CALB2: variants seen among roughly 807,000 people sequenced by gnomAD.
CALB2 encodes the protein calbindin 2, also known as calretinin.
Under a neutral mutation model 45.9 loss-of-function variants are expected in CALB2, and 34 were observed. The ratio of observed to expected loss-of-function variants is 0.74; its 90% CI spans 0.56 to 0.99. CALB2 has a LOEUF of 0.99. Among genes scored for constraint, CALB2 ranks in the 50% least tolerant of loss-of-function variants. The probability of loss-of-function intolerance (pLI) is 0.00; values close to 1 mark genes in which losing one functional copy is unlikely to be tolerated. For synonymous variants in CALB2, 142 were observed against 129.6 expected (o/e 1.10, Z -0.65); for missense variants, 344 against 339.3 (o/e 1.01, Z -0.11).
chr16:71,383,833 G>A (rs1598174837), intron 6 of CALB2, 137 bp from the exon 7 acceptor site: 1 of 979,462 alleles, frequency 1.0e-6, no homozygotes, highest in South Asian at 1.4e-5. Flanking sequence ...GCCCATGTTG[G>A]TTCTTGGCCC....
chr16:71,373,936 T>C (rs2042381392), intron 2 of CALB2, among the ~76,000 whole-genome samples: 1 of 152,204 alleles, frequency 6.6e-6, no homozygotes, highest in Admixed American at 6.5e-5. Context: ...AGTGGTAGGA[T>C]TTCCCTTGGC....
intron 1 of CALB2, among the ~76,000 whole-genome samples, chr16:71,371,882 G>A (rs968301299): frequency 4.6e-5 from 7 of 152,158 alleles, no homozygotes; most frequent in East Asian, 1.9e-4. Context: ...GGACAGATTC[G>A]GAAGCTGCCA....
At chr16:71,387,902 A>G (rs1249884774) in intron 10 of CALB2, among the ~76,000 whole-genome samples, 1 of 152,170 alleles carries the variant, frequency 6.6e-6, no homozygotes, top group Non-Finnish European at 1.5e-5. Flanking sequence ...CATGGCACCA[A>G]ACCAGAAATT....
intron 1 of CALB2, among the ~76,000 whole-genome samples, chr16:71,360,243 G>C (rs1351921932): frequency 6.6e-6 from 1 of 152,178 alleles, no homozygotes; most frequent in Non-Finnish European, 1.5e-5. Context: ...GGGGAGGCAG[G>C]GGTTAATGTC....
At chr16:71,382,520 G>A (rs1257285658) in intron 4 of CALB2, among the ~76,000 whole-genome samples, 199 bp from the exon 5 acceptor site, 1 of 152,258 alleles carries the variant, frequency 6.6e-6, no homozygotes. Flanking sequence ...AGGCGCTCAT[G>A]AGATCACTGT....
At chr16:71,377,621 G>C (rs373286098) in intron 3 of CALB2, 46 bp from the exon 4 acceptor site, 2 of 1,397,340 alleles carry the variant, frequency 1.4e-6, no homozygotes, top group African/African-American at 2.8e-5. Context: ...TCTGCTCCCT[G>C]TCAAGTCCCT....
At chr16:71,371,838 C>T (rs1008573563) in intron 1 of CALB2, among the ~76,000 whole-genome samples, 1 of 152,242 alleles carries the variant, frequency 6.6e-6, no homozygotes. Flanking sequence ...TGACCTGTCA[C>T]ACCTCTGCCA....
chr16:71,388,953 A>T (rs892386999), intron 10 of CALB2, among the ~76,000 whole-genome samples: 1 of 135,520 alleles, frequency 7.4e-6, no homozygotes, highest in African/African-American at 2.8e-5. Flanking sequence ...AGCCAAGATC[A>T]CGTCACTTCC....
At chr16:71,367,324 G>A (rs1005524555) in intron 1 of CALB2, among the ~76,000 whole-genome samples, 4 of 152,116 alleles carry the variant, frequency 2.6e-5, no homozygotes, top group African/African-American at 4.8e-5. Flanking sequence ...ATGCCCATCC[G>A]CATGAGCCTT....
intron 1 of CALB2, 125 bp downstream of exon 1, chr16:71,359,011 C>T: frequency 1.3e-6 from 1 of 776,468 alleles, no homozygotes; most frequent in Non-Finnish European, 2.1e-6. Context: ...GGTCGCAGAG[C>T]CTGCTGGGGT....
At chr16:71,389,651 G>C in intron 10 of CALB2, 98 bp from the exon 11 acceptor site, 1 of 845,164 alleles carries the variant, frequency 1.2e-6, no homozygotes, top group Non-Finnish European at 2.0e-6. Flanking sequence ...TGAGATGAGA[G>C]AAAGGTGTGG....
chr16:71,359,687 A>G (rs963075586), intron 1 of CALB2, among the ~76,000 whole-genome samples: 2 of 152,210 alleles, frequency 1.3e-5, no homozygotes, highest in African/African-American at 2.4e-5. Flanking sequence ...AGCCCCCAGC[A>G]CTGGGATTCC....
intron 8 of CALB2, 112 bp downstream of exon 8, chr16:71,384,490 C>G: frequency 1.2e-6 from 1 of 841,556 alleles, no homozygotes; most frequent in East Asian, 2.5e-5. Flanking sequence ...CCACACACAC[C>G]ACACACACAC....
At position 71,380,287 on chromosome 16, in the gene CALB2, CTTTTCTTTTTTTTTT is replaced by C. The variant is rs1271790598; in HGVS notation, c.343-2427_343-2413del. Among the ~76,000 whole-genome samples, 33 of 87,110 alleles carry C rather than the reference CTTTTCTTTTTTTTTT, an allele frequency of 3.8e-4. 1 individual carries two copies. Among genetic ancestry groups the C allele is most frequent in the East Asian group, 1.5e-3 (5 of 3,268 alleles). 57.1% of individuals were successfully genotyped at this position (87,110 alleles called of 152,430 possible). A position where few individuals can be genotyped will look rare whatever the true frequency, so the allele number is the denominator to read the frequency against. ...CTTTTCTTTCTTTCTTCTTTCCTTCCTTTTCTTTTTTTTTTTTTTTTTTTTTTTTTTTTTTTTTTT... is the reference window on the plus strand; with the variant it reads ...CTTTTCTTTCTTTCTTCTTTCCTTCCTTTTTTTTTTTTTTTTTTTTTTTTT... On this transcript the variant is annotated intron_variant, in intron 4 of 10. Coordinates refer to ENST00000302628, the MANE Select transcript of CALB2 (RefSeq NM_001740.5).
intron 1 of CALB2, among the ~76,000 whole-genome samples, chr16:71,366,188 G>A (rs997170942): frequency 1.9e-4 from 29 of 149,100 alleles, no homozygotes; most frequent in South Asian, 6.4e-4. Context: ...TACCACGCCC[G>A]GCTAATTTTT....
intron 4 of CALB2, among the ~76,000 whole-genome samples, chr16:71,382,155 A>AAGGAAGGAAGGAAGGAAT (rs61050017): frequency 6.9e-6 from 1 of 144,402 alleles, no homozygotes. Context: ...AAGGAAGGAA[A>AAGGAAGGAAGGAAGGAAT]GAAAATAAAG....
At chr16:71,383,069 CCTCTGG>C (rs2042518939) in intron 5 of CALB2, among the ~76,000 whole-genome samples, 1 of 152,196 alleles carries the variant, frequency 6.6e-6, no homozygotes, top group Non-Finnish European at 1.5e-5. Flanking sequence ...CCTCCAAATT[CCTCTGG>C]CTATCACCCA....
intron 3 of CALB2, among the ~76,000 whole-genome samples, chr16:71,375,108 G>A (rs550074584): frequency 6.6e-6 from 1 of 152,358 alleles, no homozygotes; most frequent in Admixed American, 6.5e-5. Flanking sequence ...GGCAAGGCCA[G>A]CTGAAGACAC....
At chr16:71,377,880 G>C in intron 4 of CALB2, 133 bp downstream of exon 4, 1 of 617,868 alleles carries the variant, frequency 1.6e-6, no homozygotes, top group Non-Finnish European at 2.8e-6. Context: ...GCTACTCAAA[G>C]TGTGGTCCGT....
Sources: allele counts gnomAD v4.1 joint callset (sites outside exome capture counted in the v4.1 genomes callset), GRCh38; gene constraint gnomAD v4.1.1; transcripts MANE v1.5; gene names NCBI Gene and HGNC (gene_info 2026-07-23, HGNC 2026-07-21).